TEP1: variants seen among roughly 807,000 people sequenced by gnomAD.
The protein encoded by TEP1 is telomerase associated protein 1, also known as telomerase protein component 1.
In TEP1, 241 loss-of-function variants were observed where a neutral mutation model predicts 306.3. That is an observed-to-expected ratio of 0.79 (90% confidence interval 0.71 to 0.88). The LOEUF (loss-of-function observed/expected upper bound fraction) is 0.88. TEP1 is among the 40% of genes least tolerant of loss of function. The pLI is 0.00. For missense variants in TEP1, 3,051 were observed against 3,276.1 expected (o/e 0.93, Z 1.68); for synonymous variants, 1,289 against 1,305.5 (o/e 0.99, Z 0.27).
At chr14:20,371,697 A>C in intron 49 of TEP1, 65 bp from the exon 50 acceptor site, 3 of 1,490,094 alleles carry the variant, frequency 2.0e-6, no homozygotes, top group Non-Finnish European at 2.7e-6. Flanking sequence ...CAGGCTCCTC[A>C]ATCCCACATG....
intron 2 of TEP1, among the ~76,000 whole-genome samples, chr14:20,407,166 C>T (rs371242518): frequency 3.9e-5 from 6 of 152,294 alleles, no homozygotes; most frequent in South Asian, 2.1e-4. Context: ...TAAAAGTGGA[C>T]GTGTATTTGC....
chr14:20,380,551 G>T, intron 33 of TEP1, 76 bp from the exon 34 acceptor site: 1 of 1,526,556 alleles, frequency 6.6e-7, no homozygotes, highest in Non-Finnish European at 8.7e-7. Context: ...AAACCATATG[G>T]TGTGTCTACA....
At chr14:20,397,343 C>T (rs961609542) in intron 9 of TEP1, among the ~76,000 whole-genome samples, 3 of 152,120 alleles carry the variant, frequency 2.0e-5, no homozygotes, top group African/African-American at 7.2e-5. Flanking sequence ...AACCCCGTCT[C>T]TACAAAAATA....
In TEP1 at chr14:20,401,491, G is replaced by C. The variant is rs1349532678; in HGVS notation, c.1357C>G (p.Pro453Ala). 6.2e-7 allele frequency: 1 copy of C among 1,614,078 alleles called. No individual in the cohort carries two copies. The highest frequency in any genetic ancestry group is 2.2e-5 in the East Asian group (1 of 44,898). The part of the protein sequence containing the change: ...KLVQRLHIHK[P>A]AQHVQALLGY... ...AGCAGGGCTTGAACGTGCTGGGCAG[G>C]CTTGTGGATGTGCAGTCGCTGAACC... Residue 453 changes from proline (P) to alanine (A), a missense_variant, in exon 8 of 55, where the codon CCT becomes GCT. Transcript: ENST00000262715.
Position 20,368,836 on chromosome 14 carries a change from T to C in TEP1, c.7723A>G (p.Arg2575Gly). The change falls in exon 54 of 55, where the codon AGA becomes GGA. Residue 2575 changes from arginine to glycine, a missense_variant. Around this residue, in one of 3 missense-constraint regions of TEP1, gnomAD observed 1,540 missense variants for 1,705.9 expected, o/e 0.90. Coordinates refer to ENST00000262715, the MANE Select transcript of TEP1 (RefSeq NM_007110.5). Reference protein sequence around the residue: ...PELLVTASKDRDVKLWERPSM... With the variant: ...PELLVTASKDGDVKLWERPSM... The stretch of plus-strand genomic sequence containing the variant: ...GGTCTCTCCCATAGCTTAACATCTC[T>C]GTCCTTCGAAGCTGTCACCAGCAAC... The C allele has an allele frequency of 6.2e-7, 1 of 1,613,936 alleles. No homozygotes were observed. Among genetic ancestry groups the C allele is most frequent in the Non-Finnish European group, 8.5e-7 (1 of 1,179,958 alleles).
At chr14:20,380,849 C>A in intron 33 of TEP1, 82 bp downstream of exon 33, 1 of 1,224,606 alleles carries the variant, frequency 8.2e-7, no homozygotes, top group South Asian at 1.2e-5. Flanking sequence ...CACACCCCTG[C>A]CCCAACCCTG....
At chr14:20,378,285 AT>A in intron 38 of TEP1, 49 bp from the exon 39 acceptor site, 1 of 1,612,506 alleles carries the variant, frequency 6.2e-7, no homozygotes, top group Non-Finnish European at 8.5e-7. Context: ...TCTCAGCAAA[AT>A]CTTAAGTGAC....
intron 9 of TEP1, 21 bp from the exon 10 acceptor site, chr14:20,396,751 AGT>A: frequency 6.4e-7 from 1 of 1,564,918 alleles, no homozygotes; most frequent in East Asian, 2.3e-5. Flanking sequence ...TGGGGCATAG[AGT>A]GAGAAAAACA....
In TEP1 at chr14:20,378,136, G is replaced by C; in HGVS notation, c.5609C>G (p.Ala1870Gly). The C allele has an allele frequency of 6.2e-7, 1 of 1,613,834 alleles. No homozygotes were observed. The highest frequency in any genetic ancestry group is 8.5e-7 in the Non-Finnish European group (1 of 1,180,028). Residue 1870 changes from alanine (A) to glycine (G), a missense_variant, in exon 39 of 55, where the codon GCC (alanine) becomes GGC (glycine). By Grantham distance (60) the Ala-to-Gly change is moderately conservative (BLOSUM62 0). This residue lies in a region of TEP1 where 1,540 missense variants were observed against 1,705.9 expected (regional missense o/e 0.90). Transcript: ENST00000262715. ...GRLDSMVELW[A>G]WREGARLAAF... is the part of the protein sequence containing the mutation. ...AGCCAGCCGTGCCCCTTCTCGCCAG[G>C]CCCACAGCTCCACCATACTGTCCAG...
chr14:20,377,083 C>G (rs150573285), intron 41 of TEP1, among the ~76,000 whole-genome samples, 197 bp downstream of exon 41: 8 of 151,956 alleles, frequency 5.3e-5, no homozygotes, highest in Non-Finnish European at 1.2e-4. Context: ...GGCGTGGAGG[C>G]GCATGCCTGT....
rs1876912886 is a variant in TEP1 at position 20,384,308 on chromosome 14, C to T, written c.3340-76G>A. On this transcript the variant is annotated intron_variant, in intron 23 of 54. Transcript: ENST00000262715. ...TCCCAGGCTAAAACTCACAGAGCCC[C>T]CGCCAAGCTACTTCCTCCCCAGGAC... 6 of 1,608,960 alleles carry T rather than the reference C, an allele frequency of 3.7e-6. No homozygotes were observed. In the Admixed American group the frequency reaches 8.3e-5, roughly 22 times the overall value.
At chr14:20,406,155 G>A (rs368664042) in intron 3 of TEP1, 78 bp downstream of exon 3, 2 of 1,467,444 alleles carry the variant, frequency 1.4e-6, no homozygotes, top group Non-Finnish European at 1.9e-6. Context: ...AACTGGGGAG[G>A]GGACCTGGTT....
rs112229470 is a variant in TEP1 at position 20,412,979 on chromosome 14, G to A, written c.-25+426C>T. 6.8e-5 allele frequency among the ~76,000 whole-genome samples: 10 copies of A among 147,926 alleles called. 1 individual carries two copies. Among genetic ancestry groups the A allele is most frequent in the African/African-American group, 2.6e-4 (10 of 39,208 alleles). ...CGGCCTCCACCTCACTCTTCAAGTG[G>A]CTGTATGGTAGTCTAGCACATTTAA... is the stretch of plus-strand genomic sequence containing the variant. On this transcript the variant is annotated intron_variant, in intron 1 of 54. Coordinates refer to ENST00000262715, the MANE Select transcript of TEP1 (RefSeq NM_007110.5).
At chr14:20,378,261 A>T in intron 38 of TEP1, 25 bp from the exon 39 acceptor site, 1 of 1,613,436 alleles carries the variant, frequency 6.2e-7, no homozygotes, top group Non-Finnish European at 8.5e-7. Flanking sequence ...AGAAATGGAA[A>T]CGTGAAGACC....
In TEP1 at chr14:20,379,235, G is replaced by C. The variant is rs1566449152; in HGVS notation, c.5128-130C>G. ...GAGTCCTTGGCTCTCTATGTTCCAA[G>C]TCAAGCACACGTTCAAGTGGGGGCC... On this transcript the variant is annotated intron_variant, in intron 35 of 54. Coordinates refer to ENST00000262715, the MANE Select transcript of TEP1 (RefSeq NM_007110.5). The C allele has an allele frequency of 2.4e-6, 3 of 1,250,874 alleles. No individual in the cohort carries two copies. The South Asian group carries it at 4.5e-5, about 19-fold the overall frequency. 77.5% of individuals were successfully genotyped at this position (1,250,874 alleles called of 1,614,324 possible).
In TEP1 at chr14:20,405,488, C is replaced by T. The variant is rs147582486; in HGVS notation, c.833G>A (p.Arg278His). ...CTCAGGCTCCAGGAGGGCAAGTTCA[C>T]GACAGATTTCAAAAATGGCAGCCAG... is the stretch of plus-strand genomic sequence containing the variant. The part of the protein sequence containing the change: ...PTLAAIFEIC[R>H]ELALLEPEFI... Residue 278 changes from arginine (R) to histidine (H), a missense_variant, in exon 4 of 55, where the codon CGT becomes CAT. Physicochemically the swap from Arg to His is conservative, Grantham distance 29 (BLOSUM62 0). Transcript: ENST00000262715. 3.1e-5 allele frequency: 50 copies of T among 1,613,956 alleles called. No individual in the cohort carries two copies. The highest frequency in any genetic ancestry group is 2.4e-4 in the African/African-American group (18 of 74,858).
At chr14:20,401,357 C>A in intron 8 of TEP1, 100 bp downstream of exon 8, 1 of 1,530,484 alleles carries the variant, frequency 6.5e-7, no homozygotes, top group South Asian at 1.3e-5. Flanking sequence ...TGTCTAAAGT[C>A]ATGTTGCTGG....
At chr14:20,407,045 G>A (rs184888653) in intron 2 of TEP1, among the ~76,000 whole-genome samples, 32 of 152,372 alleles carry the variant, frequency 2.1e-4, no homozygotes, top group African/African-American at 7.0e-4. Context: ...AGAGACAGAA[G>A]AGGGTTCAGA....
chr14:20,386,489 T>A lies in TEP1; in HGVS notation c.2819A>T (p.Asp940Val), dbSNP rs1292884848. The change falls in exon 19 of 55, where the codon GAC becomes GTC. Residue 940 changes from aspartate to valine, a missense_variant. Coordinates refer to ENST00000262715, the MANE Select transcript of TEP1 (RefSeq NM_007110.5). ...CTCCTCAGTGACGCCCCAGCGGAGG[T>A]CGATTCCGTGAAGGCTGATACGGTG... Reference protein sequence around the residue: ...APHRISLHGIDLRWGVTEEET... With the variant: ...APHRISLHGIVLRWGVTEEET... 3 of 1,611,588 alleles carry A rather than the reference T, an allele frequency of 1.9e-6. No homozygotes were observed. Among genetic ancestry groups the A allele is most frequent in the Non-Finnish European group, 2.5e-6 (3 of 1,178,914 alleles).
Sources: allele counts gnomAD v4.1 joint callset (sites outside exome capture counted in the v4.1 genomes callset), GRCh38; gene constraint gnomAD v4.1.1; regional missense constraint gnomAD v4.1.1; transcripts MANE v1.5; gene names NCBI Gene and HGNC (gene_info 2026-07-23, HGNC 2026-07-21).